The following SEC11C variants were observed in gnomAD, a reference collection of about 807,000 sequenced individuals.
SEC11C encodes the protein SEC11 homolog C, signal peptidase complex subunit, also known as signal peptidase complex catalytic subunit SEC11C.
A neutral mutation model predicts 21.9 loss-of-function variants in SEC11C; 10 were observed. That is an observed-to-expected ratio of 0.46 (90% confidence interval 0.28 to 0.77). The LOEUF is 0.77. Among genes scored for constraint, SEC11C ranks in the 30% least tolerant of loss-of-function variants. The probability of loss-of-function intolerance (pLI) is 0.12; values close to 1 mark genes in which losing one functional copy is unlikely to be tolerated. For synonymous variants in SEC11C, 83 were observed against 85.6 expected (o/e 0.97, Z 0.17); for missense variants, 145 against 244.5 (o/e 0.59, Z 2.71).
chr18:59,156,700 G>GTT (rs370442668), intron 4 of SEC11C: 38 of 117,140 alleles, frequency 3.2e-4, no homozygotes, highest in African/African-American at 9.8e-4. Context: ...CATTAGAAAT[G>GTT]TTTTTTTATC....
At chr18:59,142,735 A>G (rs759996773) in intron 1 of SEC11C, among the ~76,000 whole-genome samples, 4 of 152,150 alleles carry the variant, frequency 2.6e-5, no homozygotes, top group African/African-American at 9.7e-5. Flanking sequence ...TTTTTCCGTT[A>G]TGCTCTTTGA....
At chr18:59,156,465 G>A (rs1037298878) in intron 4 of SEC11C, 10 of 152,238 alleles carry the variant, frequency 6.6e-5, no homozygotes, top group East Asian at 1.9e-4. Flanking sequence ...GTTTTATTGC[G>A]AATAATTATT....
intron 2 of SEC11C, among the ~76,000 whole-genome samples, chr18:59,150,589 G>A (rs1014083208): frequency 6.6e-6 from 1 of 152,234 alleles, no homozygotes; most frequent in African/African-American, 2.4e-5. Context: ...ACGCCCCTGG[G>A]GTTGGGGTGG....
At chr18:59,155,513 G>A in intron 3 of SEC11C, 175 bp from the exon 4 acceptor site, 1 of 546,290 alleles carries the variant, frequency 1.8e-6, no homozygotes, top group Non-Finnish European at 3.2e-6. Context: ...TTAGATTTGT[G>A]CTTCAGTTGA....
rs566682874 is a variant in SEC11C at position 59,154,105 on chromosome 18, A to G, written c.347+1420A>G. On this transcript the variant is annotated intron_variant, in intron 3 of 5. Transcript: ENST00000587834. ...AACAATCCAGTTTCAACCTGTGGTG[A>G]TACACTGGTCCTGTACTAACGGTTA... Among the ~76,000 whole-genome samples, 5 of 152,304 alleles carry G rather than the reference A, an allele frequency of 3.3e-5. No homozygotes were observed. In the East Asian group the frequency reaches 9.6e-4, roughly 29 times the overall value.
chr18:59,141,375 C>G (rs1012418127), intron 1 of SEC11C, among the ~76,000 whole-genome samples: 2 of 152,190 alleles, frequency 1.3e-5, no homozygotes, highest in Admixed American at 1.3e-4. Context: ...AGAATATCCT[C>G]CAGGAAGCAG....
chr18:59,144,364 C>A (rs1052146292), intron 1 of SEC11C, among the ~76,000 whole-genome samples: 16 of 152,028 alleles, frequency 1.1e-4, no homozygotes, highest in Admixed American at 6.6e-5. Context: ...AATTTGTATC[C>A]CCATCACAGT....
At chr18:59,140,111 G>A in intron 1 of SEC11C, 76 bp downstream of exon 1, 10 of 1,300,610 alleles carry the variant, frequency 7.7e-6, no homozygotes, top group Non-Finnish European at 1.0e-5. Flanking sequence ...TCCCAGTCAG[G>A]GCTCCGGCTC....
At chr18:59,140,631 C>T (rs1247093212) in intron 1 of SEC11C, among the ~76,000 whole-genome samples, 1 of 152,180 alleles carries the variant, frequency 6.6e-6, no homozygotes, top group South Asian at 2.1e-4. Context: ...GTGTTCCCAG[C>T]GAGATTCCAG....
chr18:59,148,398 T>G (rs1175278184), intron 1 of SEC11C, among the ~76,000 whole-genome samples: 1 of 151,728 alleles, frequency 6.6e-6, no homozygotes, highest in Non-Finnish European at 1.5e-5. Flanking sequence ...TGGGCAGGTG[T>G]TGTTTTCTCC....
At chr18:59,152,221 T>A (rs1181107299) in intron 2 of SEC11C, among the ~76,000 whole-genome samples, 1 of 136,308 alleles carries the variant, frequency 7.3e-6, no homozygotes, top group Non-Finnish European at 1.5e-5. Context: ...AACACTACTA[T>A]ATTTGTAGAT....
chr18:59,150,429 C>A (rs959879551), intron 2 of SEC11C, among the ~76,000 whole-genome samples: 2 of 152,228 alleles, frequency 1.3e-5, no homozygotes, highest in African/African-American at 4.8e-5. Context: ...TAGCCATGAT[C>A]CATGCCTCAC....
chr18:59,145,498 G>A (rs1055630247), intron 1 of SEC11C, among the ~76,000 whole-genome samples: 1 of 152,204 alleles, frequency 6.6e-6, no homozygotes, highest in Admixed American at 6.5e-5. Flanking sequence ...GCCCTGGGGT[G>A]GAAAGAAGCA....
chr18:59,141,532 G>C (rs1426833284), intron 1 of SEC11C, among the ~76,000 whole-genome samples: 1 of 152,190 alleles, frequency 6.6e-6, no homozygotes, highest in Non-Finnish European at 1.5e-5. Flanking sequence ...CCCTTTGAAA[G>C]ATCAGTGTGT....
intron 1 of SEC11C, among the ~76,000 whole-genome samples, chr18:59,141,037 A>G (rs2069204186): frequency 6.6e-6 from 1 of 152,136 alleles, no homozygotes; most frequent in Non-Finnish European, 1.5e-5. Flanking sequence ...AAATGGTATT[A>G]ATCCTCATTA....
At chr18:59,140,193 G>A (rs1286541237) in intron 1 of SEC11C, 158 bp downstream of exon 1, 6 of 590,944 alleles carry the variant, frequency 1.0e-5, no homozygotes, top group African/African-American at 5.9e-5. Flanking sequence ...CTACGCCTAC[G>A]TGTGGGCATG....
intron 2 of SEC11C, among the ~76,000 whole-genome samples, chr18:59,151,405 C>T (rs572771487): frequency 6.6e-6 from 1 of 151,350 alleles, no homozygotes; most frequent in Admixed American, 6.6e-5. Flanking sequence ...AGGAAAAACT[C>T]AATTGTTTTG....
Position 59,149,595 on chromosome 18 carries a change from G to GTGAGAGCCCCATC in SEC11C, c.171_183dup (p.Val62Ter). Reference sequence around the variant, plus strand: ...AAAGGCTTGATCGTGCTCACAGGCAGTGAGAGCCCCATCGTGGTGGTGCTG... The same window carrying GTGAGAGCCCCATC: ...AAAGGCTTGATCGTGCTCACAGGCAGTGAGAGCCCCATCTGAGAGCCCCATCGTGGTGGTGCTG... On this transcript the variant is annotated frameshift_variant, in exon 2 of 6. Coordinates refer to ENST00000587834, the MANE Select transcript of SEC11C (RefSeq NM_033280.4). LOFTEE classifies it high-confidence loss of function. 6.2e-7 allele frequency: 1 copy of GTGAGAGCCCCATC among 1,612,376 alleles called. No homozygotes were observed. Among genetic ancestry groups the GTGAGAGCCCCATC allele is most frequent in the Non-Finnish European group, 8.5e-7 (1 of 1,178,544 alleles).
intron 3 of SEC11C, chr18:59,153,052 T>G (rs1391423714): frequency 6.4e-6 from 1 of 156,518 alleles, no homozygotes; most frequent in Non-Finnish European, 1.4e-5. Context: ...TTTTCTGAAA[T>G]GCAAAAAAAG....
Sources: allele counts gnomAD v4.1 joint callset (sites outside exome capture counted in the v4.1 genomes callset), GRCh38; gene constraint gnomAD v4.1.1; transcripts MANE v1.5; gene names NCBI Gene and HGNC (gene_info 2026-07-23, HGNC 2026-07-21).